Variants in KIAA1217 observed in about 807,000 individuals in gnomAD.
KIAA1217 encodes KIAA1217.
KIAA1217 carries 88 observed loss-of-function variants against 163.9 expected under a neutral mutation model. That is an observed-to-expected ratio of 0.54 (90% CI 0.45 to 0.64). KIAA1217 has a LOEUF of 0.64. Among genes scored for constraint, KIAA1217 ranks in the 30% least tolerant of loss-of-function variants. KIAA1217 has a pLI of 0.00. For missense variants in KIAA1217, 2,372 were observed against 2,475.0 expected (o/e 0.96, Z 0.88); for synonymous variants, 903 against 923.1 (o/e 0.98, Z 0.39).
At chr10:24,126,695 A>T (rs937602340) in intron 2 of KIAA1217, among the ~76,000 whole-genome samples, 6 of 152,158 alleles carry the variant, frequency 3.9e-5, no homozygotes, top group Non-Finnish European at 7.4e-5. Context: ...GTTATTCCTG[A>T]ACCACCCACA....
chr10:24,334,409 G>A (rs1379877456), intron 2 of KIAA1217, among the ~76,000 whole-genome samples: 2 of 146,992 alleles, frequency 1.4e-5, no homozygotes, highest in Admixed American at 7.0e-5. Flanking sequence ...AGGAAGGAAA[G>A]ATGGAGGGGT....
chr10:24,423,660 A>G (rs1204253835), intron 3 of KIAA1217, among the ~76,000 whole-genome samples: 2 of 151,994 alleles, frequency 1.3e-5, no homozygotes, highest in African/African-American at 2.4e-5. Flanking sequence ...AGGTTTCACC[A>G]TGTTGGCCAG....
chr10:23,720,218 G>A (rs1837798470), intron 1 of KIAA1217, among the ~76,000 whole-genome samples: 1 of 152,016 alleles, frequency 6.6e-6, no homozygotes, highest in African/African-American at 2.4e-5. Flanking sequence ...AGAAATAAGT[G>A]TTTGCCTCCA....
intron 2 of KIAA1217, among the ~76,000 whole-genome samples, chr10:24,253,812 G>A (rs940369271): frequency 1.3e-5 from 2 of 152,064 alleles, no homozygotes; most frequent in African/African-American, 4.8e-5. Flanking sequence ...CTGCTCGGGA[G>A]GTTGAAGCGG....
Position 24,506,534 on chromosome 10 carries a change from A to C in KIAA1217, c.2001+4989A>C, listed in dbSNP as rs144586922. Among the ~76,000 whole-genome samples, 1,326 of 152,374 alleles carry C rather than the reference A, an allele frequency of 8.7e-3. 19 individuals are homozygous for C. The highest frequency in any genetic ancestry group is 0.014 in the Middle Eastern group (4 of 294). On this transcript the variant is annotated intron_variant, in intron 9 of 20. Transcript: ENST00000376454. ...ACAAGAGTGCTTATAAAAATGGCAA[A>C]GCATTTTCAATAAATTATCTTTCTA...
chr10:24,123,249 C>A (rs951515877), intron 2 of KIAA1217, among the ~76,000 whole-genome samples: 1 of 151,676 alleles, frequency 6.6e-6, no homozygotes, highest in Non-Finnish European at 1.5e-5. Flanking sequence ...ATACATAAAG[C>A]ATAGTCCATA....
chr10:24,262,488 G>T (rs1325294618), intron 2 of KIAA1217, among the ~76,000 whole-genome samples: 1 of 152,078 alleles, frequency 6.6e-6, no homozygotes, highest in Non-Finnish European at 1.5e-5. Context: ...TTAGCCGGGC[G>T]AGGTGGCGGG....
intron 2 of KIAA1217, among the ~76,000 whole-genome samples, chr10:24,202,472 C>G (rs1368801771): frequency 6.6e-6 from 1 of 152,126 alleles, no homozygotes; most frequent in Non-Finnish European, 1.5e-5. Flanking sequence ...CCTTCTCCTG[C>G]ATCAGGGTGA....
At chr10:24,336,179 G>T (rs771266917) in intron 2 of KIAA1217, among the ~76,000 whole-genome samples, 3 of 152,134 alleles carry the variant, frequency 2.0e-5, no homozygotes, top group Non-Finnish European at 4.4e-5. Context: ...GGAGGTGGAA[G>T]TTGCATGACC....
intron 3 of KIAA1217, among the ~76,000 whole-genome samples, chr10:24,416,708 C>T (rs1283939631): frequency 6.6e-6 from 1 of 152,186 alleles, no homozygotes; most frequent in Non-Finnish European, 1.5e-5. Context: ...GTCCCCCCCA[C>T]ATCCCAGCCT....
intron 1 of KIAA1217, among the ~76,000 whole-genome samples, chr10:23,918,225 A>C (rs1842704235): frequency 6.7e-6 from 1 of 150,278 alleles, no homozygotes; most frequent in African/African-American, 2.5e-5. Context: ...TCCTGACCTC[A>C]ATAAAGTGAT....
chr10:24,108,876 G>A (rs1357915417), intron 2 of KIAA1217, among the ~76,000 whole-genome samples: 1 of 152,206 alleles, frequency 6.6e-6, no homozygotes, highest in Non-Finnish European at 1.5e-5. Context: ...CTGTTGCCCA[G>A]GCTGGAGTGC....
intron 1 of KIAA1217, among the ~76,000 whole-genome samples, chr10:23,741,258 G>A (rs548745809): frequency 6.6e-6 from 1 of 152,150 alleles, no homozygotes; most frequent in East Asian, 1.9e-4. Context: ...AGTGAGGTGA[G>A]GGGTCAGAGA....
chr10:24,235,782 A>C (rs2131190504), intron 2 of KIAA1217, among the ~76,000 whole-genome samples: 1 of 148,768 alleles, frequency 6.7e-6, no homozygotes, highest in South Asian at 2.2e-4. Flanking sequence ...CCGTCTGTTA[A>C]CTCCGTATCT....
chr10:23,767,075 CAG>C (rs1340537903), intron 1 of KIAA1217, among the ~76,000 whole-genome samples: 4 of 152,066 alleles, frequency 2.6e-5, no homozygotes, highest in African/African-American at 9.7e-5. Context: ...CACAGAGAAA[CAG>C]TGAATTACTA....
At chr10:24,306,831 A>G (rs1296231501) in intron 2 of KIAA1217, among the ~76,000 whole-genome samples, 2 of 152,196 alleles carry the variant, frequency 1.3e-5, no homozygotes, top group East Asian at 3.8e-4. Flanking sequence ...GTTCTCACTG[A>G]CATAACTGTC....
intron 2 of KIAA1217, among the ~76,000 whole-genome samples, chr10:24,089,727 C>T (rs895304938): frequency 2.0e-5 from 3 of 151,608 alleles, no homozygotes; most frequent in East Asian, 3.9e-4. Context: ...AGTCAGGTAG[C>T]GTGACAAAGG....
At chr10:24,318,271 T>C (rs752763242) in intron 2 of KIAA1217, among the ~76,000 whole-genome samples, 1 of 148,764 alleles carries the variant, frequency 6.7e-6, no homozygotes, top group Non-Finnish European at 1.5e-5. Flanking sequence ...GGTAGGTAGA[T>C]AGATAGATAG....
chr10:24,172,867 G>A (rs1329000171), intron 2 of KIAA1217, among the ~76,000 whole-genome samples: 2 of 152,200 alleles, frequency 1.3e-5, no homozygotes, highest in African/African-American at 4.8e-5. Context: ...TGACTGTCTG[G>A]CTCATTCCTA....
Sources: gnomAD v4.1 joint callset for allele counts (sites outside exome capture counted in the v4.1 genomes callset) on GRCh38, gnomAD v4.1.1 for gene constraint, MANE v1.5 for transcripts, NCBI Gene and HGNC (gene_info 2026-07-23, HGNC 2026-07-21) for gene names.